The following ARF4 variants were observed in gnomAD, a reference collection of about 807,000 sequenced individuals.
The protein encoded by ARF4 is ADP-ribosylation factor 4.
In ARF4, 5 loss-of-function variants were observed where a neutral mutation model predicts 24.3. The observed-to-expected ratio is 0.21, with a 90% CI of 0.11 to 0.43. The LOEUF is 0.43. Among genes scored for constraint, ARF4 ranks in the 20% least tolerant of loss-of-function variants. The pLI is 1.00. For missense variants in ARF4, 107 were observed against 213.0 expected (o/e 0.50, Z 3.10); for synonymous variants, 62 against 73.5 (o/e 0.84, Z 0.80).
rs2069847418 is a variant in ARF4, at chr3:57,571,976, G to A, written c.*236C>T. 4.4e-6 allele frequency: 2 copies of A among 454,108 alleles called. No individual in the cohort carries two copies. Among genetic ancestry groups the A allele is most frequent in the Non-Finnish European group, 7.9e-6 (2 of 251,584 alleles). 28.1% of individuals were successfully genotyped at this position (454,108 alleles called of 1,614,324 possible). A position where few individuals can be genotyped will look rare whatever the true frequency, so the allele number is the denominator to read the frequency against. On this transcript the variant is annotated 3_prime_UTR_variant, in exon 6 of 6. Coordinates refer to ENST00000303436, the MANE Select transcript of ARF4 (RefSeq NM_001660.4). ...GCTATGTCCAGGCATTTACGCTTAT[G>A]GGAAGTAAAATTAAAAGAGGATACT... is the stretch of plus-strand genomic sequence containing the variant.
chr3:57,593,378 G>A (rs959068589), intron 1 of ARF4, among the ~76,000 whole-genome samples: 4 of 151,910 alleles, frequency 2.6e-5, no homozygotes, highest in African/African-American at 9.7e-5. Context: ...ATAAATAGAT[G>A]GATTTACAAA....
intron 5 of ARF4, among the ~76,000 whole-genome samples, chr3:57,574,098 C>A (rs1205247190): frequency 6.6e-6 from 1 of 152,116 alleles, no homozygotes; most frequent in Non-Finnish European, 1.5e-5. Flanking sequence ...CCTGCCACTG[C>A]ACCTAATTTT....
intron 3 of ARF4, among the ~76,000 whole-genome samples, chr3:57,580,214 C>T (rs1363527013): frequency 6.6e-6 from 1 of 152,144 alleles, no homozygotes; most frequent in African/African-American, 2.4e-5. Flanking sequence ...TAATCCTTGA[C>T]TATGCCTCGT....
At chr3:57,589,033 C>G (rs998608443) in intron 1 of ARF4, among the ~76,000 whole-genome samples, 1 of 150,872 alleles carries the variant, frequency 6.6e-6, no homozygotes, top group East Asian at 2.0e-4. Flanking sequence ...ACCTGAGAGG[C>G]GGAGGTCGCA....
At chr3:57,580,091 T>C (rs1056058109) in intron 3 of ARF4, among the ~76,000 whole-genome samples, 4 of 151,986 alleles carry the variant, frequency 2.6e-5, no homozygotes, top group African/African-American at 9.7e-5. Context: ...GGTAACAGAG[T>C]GAGACCCCAT....
chr3:57,594,600 T>A (rs9680955), intron 1 of ARF4, among the ~76,000 whole-genome samples: 1 of 152,234 alleles, frequency 6.6e-6, no homozygotes, highest in African/African-American at 2.4e-5. Context: ...GGTGTACGAA[T>A]TAAATTTAAA....
Position 57,571,926 on chromosome 3 carries a change from CAATT to C in ARF4, c.*282_*285del. ...TCTGGGGCTCAAAAAACACTCAAAA[CAATT>C]TATTTAAAGGTTGCACAAGAGCTAT... On this transcript the variant is annotated 3_prime_UTR_variant, in exon 6 of 6. Coordinates refer to ENST00000303436, the MANE Select transcript of ARF4 (RefSeq NM_001660.4). 3.6e-6 allele frequency: 1 copy of C among 281,486 alleles called. No homozygotes were observed. 17.4% of individuals were successfully genotyped at this position (281,486 alleles called of 1,614,324 possible). A position where few individuals can be genotyped will look rare whatever the true frequency, so the allele number is the denominator to read the frequency against.
At position 57,583,961 on chromosome 3, in the gene ARF4, T is replaced by C. The variant is rs1346937096; in HGVS notation, c.195A>G (p.Val65=). The change falls in exon 3 of 6, where the codon GTA becomes GTG. Residue 65 remains valine (V), a synonymous_variant. Coordinates refer to ENST00000303436, the MANE Select transcript of ARF4 (RefSeq NM_001660.4). ...TVEYKNICFT[V]WDVGGQDRIR... is the part of the protein sequence containing the mutation. ...TTCTATCTTGACCACCAACATCCCA[T>C]ACTGTGAAACAAATGTTCTTATATT... 4.3e-6 allele frequency: 7 copies of C among 1,613,072 alleles called. No homozygotes were observed. Among genetic ancestry groups the C allele is most frequent in the Non-Finnish European group, 5.9e-6 (7 of 1,179,304 alleles).
At chr3:57,585,363 TA>T (rs754580069) in intron 1 of ARF4, among the ~76,000 whole-genome samples, 2 of 152,202 alleles carry the variant, frequency 1.3e-5, no homozygotes, top group Non-Finnish European at 2.9e-5. Context: ...GAACTTAATG[TA>T]ACTATGTCCT....
chr3:57,589,814 C>T (rs769465074), intron 1 of ARF4, among the ~76,000 whole-genome samples: 6 of 151,892 alleles, frequency 4.0e-5, no homozygotes, highest in Non-Finnish European at 8.8e-5. Flanking sequence ...TAGATCCAGC[C>T]GGGCACGGTG....
chr3:57,575,810 AC>A, intron 4 of ARF4, 137 bp from the exon 5 acceptor site: 1 of 958,180 alleles, frequency 1.0e-6, no homozygotes, highest in Non-Finnish European at 1.5e-6. Flanking sequence ...GTTCACTCTT[AC>A]AACTGAAGTC....
intron 1 of ARF4, among the ~76,000 whole-genome samples, chr3:57,587,038 G>T (rs1300329011): frequency 6.6e-6 from 1 of 152,070 alleles, no homozygotes; most frequent in African/African-American, 2.4e-5. Context: ...ACAAGGTAAG[G>T]CCTGGCGCTG....
intron 4 of ARF4, among the ~76,000 whole-genome samples, chr3:57,576,600 A>G (rs576180976): frequency 3.6e-4 from 55 of 151,434 alleles, no homozygotes; most frequent in African/African-American, 1.3e-3. Context: ...TACTGGCACA[A>G]TGGTTTTACA....
At chr3:57,576,298 T>C (rs2069901617) in intron 4 of ARF4, among the ~76,000 whole-genome samples, 1 of 152,044 alleles carries the variant, frequency 6.6e-6, no homozygotes, top group South Asian at 2.1e-4. Context: ...AAAGACAAAT[T>C]AGTGGCTGTC....
At position 57,573,063 on chromosome 3, in the gene ARF4, G is replaced by A. The variant is rs186060739; in HGVS notation, c.457-765C>T. 9.3e-3 allele frequency among the ~76,000 whole-genome samples: 1,413 copies of A among 151,968 alleles called. 25 individuals carry two copies. The highest frequency in any genetic ancestry group is 0.032 in the African/African-American group (1,327 of 41,444). On this transcript the variant is annotated intron_variant, in intron 5 of 5. Coordinates refer to ENST00000303436, the MANE Select transcript of ARF4 (RefSeq NM_001660.4). The stretch of plus-strand genomic sequence containing the variant: ...TAAAAATACAAAAAATTAGCCGGGC[G>A]TGGTGGTGGGCGCCTGTAGTCCCAG...
At chr3:57,574,408 A>ATTT (rs71088093) in intron 5 of ARF4, among the ~76,000 whole-genome samples, 130 of 145,308 alleles carry the variant, frequency 8.9e-4, no homozygotes, top group East Asian at 1.8e-3. Context: ...AGAAGTACAA[A>ATTT]TTTTTTTTTT....
At chr3:57,594,833 C>T (rs927828757) in intron 1 of ARF4, among the ~76,000 whole-genome samples, 2 of 152,206 alleles carry the variant, frequency 1.3e-5, no homozygotes, top group African/African-American at 4.8e-5. Flanking sequence ...CTGTCAGTCA[C>T]TCATAAAGCC....
intron 3 of ARF4, 124 bp downstream of exon 3, chr3:57,583,774 T>C (rs1274233361): frequency 1.4e-6 from 1 of 697,372 alleles, no homozygotes; most frequent in African/African-American, 1.8e-5. Context: ...AATGTGGAAG[T>C]GGTGATAAGA....
intron 1 of ARF4, 128 bp from the exon 2 acceptor site, chr3:57,584,592 G>T: frequency 1.3e-6 from 1 of 769,646 alleles, no homozygotes; most frequent in Non-Finnish European, 2.1e-6. Flanking sequence ...AGTTAGAAAT[G>T]AAATGACCTT....
Sources: gnomAD v4.1 joint callset for allele counts (sites outside exome capture counted in the v4.1 genomes callset) on GRCh38, gnomAD v4.1.1 for gene constraint, MANE v1.5 for transcripts, NCBI Gene and HGNC (gene_info 2026-07-23, HGNC 2026-07-21) for gene names.